Variants in KCTD20 observed in about 807,000 individuals in gnomAD.
KCTD20 encodes the protein BTB/POZ domain-containing protein KCTD20.
Under a neutral mutation model 39.6 loss-of-function variants are expected in KCTD20, and 30 were observed. That is an observed-to-expected ratio of 0.76 (90% confidence interval 0.57 to 1.03). KCTD20 has a LOEUF of 1.03. Ranked by LOEUF, KCTD20 falls within the 50% of genes least tolerant of loss-of-function variation. The pLI, the probability that KCTD20 is intolerant of heterozygous loss-of-function variation, is 0.00. For missense variants in KCTD20, 422 were observed against 522.0 expected (o/e 0.81, Z 1.87); for synonymous variants, 162 against 180.6 (o/e 0.90, Z 0.83).
In KCTD20 at chr6:36,487,779, A is replaced by C. The variant is rs1448908322; in HGVS notation, c.*604A>C. ...AGATTTGTGTCTCATTAATGCAGTG[A>C]ACAATTCAAAACCACACAGATTCCT... On this transcript the variant is annotated 3_prime_UTR_variant, in exon 8 of 8. Transcript: ENST00000373731. 2 of 152,292 alleles carry C rather than the reference A, an allele frequency of 1.3e-5. No homozygotes were observed. Among genetic ancestry groups the C allele is most frequent in the East Asian group, 3.8e-4 (2 of 5,200 alleles). 9.4% of individuals were successfully genotyped at this position (152,292 alleles called of 1,614,324 possible).
Position 36,487,065 on chromosome 6 carries a change from G to C in KCTD20, c.1150G>C (p.Asp384His). Residue 384 changes from aspartate (D) to histidine (H), a missense_variant, in exon 8 of 8, where the codon GAT becomes CAT. Physicochemically the swap from Asp to His is moderately conservative, Grantham distance 81. Transcript: ENST00000373731. Reference protein sequence around the residue: ...SLTNLVAAGDDVLEDQEILMH... With the variant: ...SLTNLVAAGDHVLEDQEILMH... ...CACGAATCTGGTAGCTGCTGGAGAT[G>C]ATGTCTTGGAGGACCAGGAGATATT... The C allele has an allele frequency of 1.2e-6, 2 of 1,614,218 alleles. No homozygotes were observed. Among genetic ancestry groups the C allele is most frequent in the African/African-American group, 2.7e-5 (2 of 75,058 alleles).
intron 1 of KCTD20, among the ~76,000 whole-genome samples, chr6:36,457,124 G>A (rs1775461142): frequency 6.6e-6 from 1 of 152,030 alleles, no homozygotes; most frequent in South Asian, 2.1e-4. Flanking sequence ...GGAGAGATGG[G>A]GGTCTCACTG....
chr6:36,485,910 CT>C (rs539635393), intron 7 of KCTD20, among the ~76,000 whole-genome samples: 19 of 147,504 alleles, frequency 1.3e-4, no homozygotes, highest in South Asian at 2.2e-4. Context: ...AGTTGGAGGA[CT>C]TTTTTTTTTA....
chr6:36,464,549 T>C (rs745972021), intron 1 of KCTD20, among the ~76,000 whole-genome samples: 5 of 152,204 alleles, frequency 3.3e-5, no homozygotes, highest in Non-Finnish European at 7.3e-5. Context: ...TGTGAGTTCA[T>C]AATAGTCCTA....
chr6:36,462,373 A>G (rs1399602482), intron 1 of KCTD20, among the ~76,000 whole-genome samples: 1 of 152,198 alleles, frequency 6.6e-6, no homozygotes, highest in Non-Finnish European at 1.5e-5. Flanking sequence ...AATCTCCTGT[A>G]ACATTCTTGG....
At chr6:36,485,696 T>C (rs1467843062) in intron 7 of KCTD20, among the ~76,000 whole-genome samples, 1 of 152,076 alleles carries the variant, frequency 6.6e-6, no homozygotes, top group Non-Finnish European at 1.5e-5. Flanking sequence ...TGTTTCACTT[T>C]GTTAGCCAGG....
intron 1 of KCTD20, among the ~76,000 whole-genome samples, chr6:36,454,381 G>A (rs536340227): frequency 3.2e-4 from 47 of 147,146 alleles, no homozygotes; most frequent in African/African-American, 1.2e-3. Context: ...TCGCTCTGTC[G>A]CCCAGGCTGG....
chr6:36,459,066 G>A (rs1396777620), intron 1 of KCTD20, among the ~76,000 whole-genome samples: 2 of 152,202 alleles, frequency 1.3e-5, no homozygotes, highest in South Asian at 4.1e-4. Flanking sequence ...AGCACTTTGG[G>A]AGGCCGAGGT....
chr6:36,473,153 C>T (rs1775960973), intron 2 of KCTD20, among the ~76,000 whole-genome samples: 1 of 151,894 alleles, frequency 6.6e-6, no homozygotes, highest in African/African-American at 2.4e-5. Flanking sequence ...CTCTGCCTCC[C>T]GGGTTCACAC....
intron 1 of KCTD20, chr6:36,465,847 G>A (rs1370071396): frequency 1.3e-5 from 2 of 152,108 alleles, no homozygotes; most frequent in East Asian, 3.8e-4. Flanking sequence ...GAACTGGCTT[G>A]CTGGATGTTT....
At chr6:36,482,457 G>A (rs1582371864) in intron 6 of KCTD20, among the ~76,000 whole-genome samples, 2 of 152,228 alleles carry the variant, frequency 1.3e-5, no homozygotes, top group African/African-American at 4.8e-5. Context: ...GGAGGCTGAG[G>A]CAGGAGAATC....
chr6:36,446,914 C>T (rs1775064739), intron 1 of KCTD20, among the ~76,000 whole-genome samples: 1 of 152,174 alleles, frequency 6.6e-6, no homozygotes, highest in Non-Finnish European at 1.5e-5. Context: ...CAGCCACTTA[C>T]TAAATGGTTT....
chr6:36,451,497 T>G (rs1346374978), intron 1 of KCTD20: 1 of 152,164 alleles, frequency 6.6e-6, no homozygotes, highest in African/African-American at 2.4e-5. Context: ...TTTCAGTTAT[T>G]TTCTTTTCTG....
chr6:36,458,558 A>G lies in KCTD20; in HGVS notation c.-46-11494A>G, dbSNP rs1345694475. ...CTCCATCTCAAAAAAAAAAAAAAAA[A>G]AAGAAAAGAAAGAAAGGTCTGGCTA... On this transcript the variant is annotated intron_variant, in intron 1 of 7. Coordinates refer to ENST00000373731, the MANE Select transcript of KCTD20 (RefSeq NM_173562.5). 6.7e-4 allele frequency among the ~76,000 whole-genome samples: 101 copies of G among 150,586 alleles called. 1 individual carries two copies. The highest frequency in any genetic ancestry group is 2.2e-3 in the African/African-American group (89 of 41,188).
intron 1 of KCTD20, among the ~76,000 whole-genome samples, chr6:36,444,796 A>T (rs1325321398): frequency 6.6e-6 from 1 of 152,214 alleles, no homozygotes; most frequent in African/African-American, 2.4e-5. Flanking sequence ...TGAGGCAGAA[A>T]TGAGGGCTGG....
chr6:36,472,891 A>G (rs1316970468), intron 2 of KCTD20, among the ~76,000 whole-genome samples: 2 of 143,338 alleles, frequency 1.4e-5, no homozygotes, highest in East Asian at 2.1e-4. Flanking sequence ...AGTATTTTAC[A>G]TATATATATA....
intron 6 of KCTD20, among the ~76,000 whole-genome samples, chr6:36,482,994 G>C (rs1210230214): frequency 6.7e-6 from 1 of 149,180 alleles, no homozygotes; most frequent in South Asian, 2.1e-4. Context: ...GCCCATGCCT[G>C]TAATCCCAGC....
rs1186412830 is a variant in KCTD20, at chr6:36,467,484, G to A, written c.-46-2568G>A. 3.4e-5 allele frequency among the ~76,000 whole-genome samples: 5 copies of A among 148,484 alleles called. 1 individual carries two copies. In the South Asian group the frequency reaches 8.8e-4, roughly 26 times the overall value. On this transcript the variant is annotated intron_variant, in intron 1 of 7. Coordinates refer to ENST00000373731, the MANE Select transcript of KCTD20 (RefSeq NM_173562.5). ...CTCCCGAGTAGCTGGGACTACAGGC[G>A]CCCCCACCACGCCCGGGTAATTTTT...
chr6:36,452,233 G>A (rs187070262), intron 1 of KCTD20, among the ~76,000 whole-genome samples: 1 of 152,094 alleles, frequency 6.6e-6, no homozygotes, highest in Non-Finnish European at 1.5e-5. Flanking sequence ...TAGGATTTTT[G>A]TGATTATGTT....
Sources: gnomAD v4.1 joint callset for allele counts (sites outside exome capture counted in the v4.1 genomes callset) on GRCh38, gnomAD v4.1.1 for gene constraint, MANE v1.5 for transcripts, NCBI Gene and HGNC (gene_info 2026-07-23, HGNC 2026-07-21) for gene names.